Variants in AKR1D1 observed in about 807,000 individuals in gnomAD.
AKR1D1 encodes the protein delta(4)-3-ketosteroid 5-beta-reductase.
AKR1D1 carries 32 observed loss-of-function variants against 42.6 expected under a neutral mutation model. The ratio of observed to expected loss-of-function variants is 0.75; its 90% CI spans 0.57 to 1.01. AKR1D1 has a LOEUF of 1.01. Ranked by LOEUF, AKR1D1 falls within the 50% of genes least tolerant of loss-of-function variation. AKR1D1 has a pLI of 0.00. For synonymous variants in AKR1D1, 123 were observed against 135.5 expected, an observed-to-expected ratio of 0.91 and a Z score of 0.64; for missense variants, 364 against 402.2, an observed-to-expected ratio of 0.91 and a Z score of 0.81.
chr7:138,103,897 A>G (rs892370991), intron 4 of AKR1D1, among the ~76,000 whole-genome samples: 7 of 152,176 alleles, frequency 4.6e-5, no homozygotes, highest in Non-Finnish European at 1.0e-4. Context: ...TGGGAGGCCA[A>G]GGTAGGAGGA....
rs1562935719 is a variant in AKR1D1 at position 138,101,154 on chromosome 7, TCCC to T, written c.456+3212_456+3214del. Among the ~76,000 whole-genome samples, 87 of 62,362 alleles carry T rather than the reference TCCC, an allele frequency of 1.4e-3. 3 individuals carry two copies. Among genetic ancestry groups the T allele is most frequent in the African/African-American group, 5.9e-3 (86 of 14,586 alleles). The allele number at this position is 62,362 out of a possible 152,430, so 40.9% of individuals were successfully genotyped here. On this transcript the variant is annotated intron_variant, in intron 4 of 8. Coordinates refer to ENST00000242375, the MANE Select transcript of AKR1D1 (RefSeq NM_005989.4). ...AAAATATAAGAGTGTTTTCTTTCCC[TCCC>T]TCCCTCCCTCCCTCCCTCCCTCCCT... is the stretch of plus-strand genomic sequence containing the variant.
At chr7:138,098,246 AATCAAAAAAT>A (rs1794222257) in intron 4 of AKR1D1, 1 of 259,780 alleles carries the variant, frequency 3.8e-6, no homozygotes, top group African/African-American at 2.3e-5. Flanking sequence ...TAAATTCACA[AATCAAAAAAT>A]ATATATCAAG....
chr7:138,098,413 C>T (rs759903404), intron 4 of AKR1D1: 16 of 157,182 alleles, frequency 1.0e-4, no homozygotes, highest in Non-Finnish European at 1.8e-4. Flanking sequence ...AGTTCGAAAC[C>T]AGCCTGGCCA....
chr7:138,087,915 G>C (rs1207178761), intron 1 of AKR1D1, among the ~76,000 whole-genome samples: 3 of 147,498 alleles, frequency 2.0e-5, no homozygotes, highest in South Asian at 2.1e-4. Flanking sequence ...TTTTGAGACA[G>C]GGTCTGTCTA....
At chr7:138,081,503 TACC>T (rs937067520) in intron 1 of AKR1D1, among the ~76,000 whole-genome samples, 1 of 121,354 alleles carries the variant, frequency 8.2e-6, no homozygotes, top group African/African-American at 3.1e-5. Flanking sequence ...AAGGAACTCC[TACC>T]TTTTTTTTTT....
intron 4 of AKR1D1, among the ~76,000 whole-genome samples, chr7:138,100,833 T>C (rs1453704493): frequency 4.7e-5 from 7 of 149,062 alleles, no homozygotes; most frequent in Non-Finnish European, 1.0e-4. Context: ...GCCTCCCGAG[T>C]AGCTGGGACT....
chr7:138,106,744 C>A, intron 6 of AKR1D1, 27 bp downstream of exon 6: 1 of 1,545,780 alleles, frequency 6.5e-7, no homozygotes, highest in Non-Finnish European at 8.9e-7. Flanking sequence ...GAAGCATTTC[C>A]TTTGGTGTAG....
chr7:138,110,105 T>G (rs1794509488), intron 7 of AKR1D1, among the ~76,000 whole-genome samples: 1 of 152,078 alleles, frequency 6.6e-6, no homozygotes, highest in Admixed American at 6.5e-5. Flanking sequence ...GGGAATAGAC[T>G]CACCCAATAA....
intron 7 of AKR1D1, among the ~76,000 whole-genome samples, chr7:138,110,762 TAAAC>T (rs1036752006): frequency 6.6e-6 from 1 of 151,620 alleles, no homozygotes; most frequent in African/African-American, 2.4e-5. Flanking sequence ...TCAAAACAAA[TAAAC>T]AAAAAACCAT....
intron 7 of AKR1D1, 65 bp from the exon 8 acceptor site, chr7:138,113,625 G>A (rs992217685): frequency 5.2e-5 from 71 of 1,361,448 alleles, no homozygotes; most frequent in Non-Finnish European, 6.3e-5. Flanking sequence ...GGCTCCCACC[G>A]GTGGCCCCAC....
chr7:138,076,736 C>G (rs1802946253), intron 1 of AKR1D1, 125 bp downstream of exon 1: 2 of 783,928 alleles, frequency 2.6e-6, no homozygotes, highest in South Asian at 3.0e-5. Context: ...GAAGCAACCT[C>G]AATTTGTAAT....
intron 1 of AKR1D1, among the ~76,000 whole-genome samples, chr7:138,080,992 T>A (rs750053061): frequency 1.1e-4 from 16 of 152,192 alleles, no homozygotes; most frequent in South Asian, 8.3e-4. Context: ...CAGCCGTAAT[T>A]GAGCTCAACA....
intron 4 of AKR1D1, among the ~76,000 whole-genome samples, chr7:138,100,088 CAAAAAAAAAAAAAAAAAAAA>C (rs59361346): frequency 0.039 from 1,706 of 43,652 alleles, 79 homozygotes; most frequent in African/African-American, 0.16. Context: ...GATTTCATCT[CAAAAAAAAAAAAAAAAAAAA>C]AAAAAAAAAA....
At chr7:138,106,053 CTTAAA>C (rs1794419064) in intron 5 of AKR1D1, among the ~76,000 whole-genome samples, 1 of 152,106 alleles carries the variant, frequency 6.6e-6, no homozygotes, top group Non-Finnish European at 1.5e-5. Context: ...ATTAGAGAAA[CTTAAA>C]TTGAAGTGTG....
At chr7:138,077,664 G>A (rs987318673) in intron 1 of AKR1D1, among the ~76,000 whole-genome samples, 1 of 152,168 alleles carries the variant, frequency 6.6e-6, no homozygotes, top group Non-Finnish European at 1.5e-5. Context: ...TGCTGATTAC[G>A]AGAATAAATA....
rs6467736 is a variant in AKR1D1 at position 138,113,501 on chromosome 7, C to G, written c.856-189C>G. On this transcript the variant is annotated intron_variant, in intron 7 of 8. Transcript: ENST00000242375. ...TCTTGTAAGATGTCCCCAGAAAGAC[C>G]GTCTCAAAAACAAAGGGCAGAACAG... 0.56 allele frequency among the ~76,000 whole-genome samples: 85,574 copies of G among 151,778 alleles called. 24,912 individuals carry two copies. Among genetic ancestry groups the G allele is most frequent in the Middle Eastern group, 0.65 (189 of 292 alleles).
chr7:138,083,392 T>G (rs1803098798), intron 1 of AKR1D1, among the ~76,000 whole-genome samples: 1 of 152,172 alleles, frequency 6.6e-6, no homozygotes, highest in South Asian at 2.1e-4. Flanking sequence ...AGGTTAGGTT[T>G]TTCTTTGGGG....
chr7:138,103,524 G>A (rs1794357278), intron 4 of AKR1D1, among the ~76,000 whole-genome samples: 1 of 151,996 alleles, frequency 6.6e-6, no homozygotes, highest in Admixed American at 6.6e-5. Flanking sequence ...TCAAATATAT[G>A]TATGGTTGCA....
At chr7:138,089,535 C>T (rs1186296552) in intron 2 of AKR1D1, among the ~76,000 whole-genome samples, 1 of 151,746 alleles carries the variant, frequency 6.6e-6, no homozygotes, top group South Asian at 2.1e-4. Flanking sequence ...CTTAATGACT[C>T]ATATTATAGG....
Sources: gnomAD v4.1 joint callset for allele counts (sites outside exome capture counted in the v4.1 genomes callset) on GRCh38, gnomAD v4.1.1 for gene constraint, MANE v1.5 for transcripts, NCBI Gene and HGNC (gene_info 2026-07-23, HGNC 2026-07-21) for gene names.